The following PDZRN4 variants were observed in gnomAD, a reference collection of about 807,000 sequenced individuals.
The protein encoded by PDZRN4 is PDZ domain-containing RING finger protein 4.
PDZRN4 carries 70 observed loss-of-function variants against 99.0 expected under a neutral mutation model. The ratio of observed to expected loss-of-function variants is 0.71; its 90% CI spans 0.58 to 0.86. The LOEUF (loss-of-function observed/expected upper bound fraction) is 0.86. Among genes scored for constraint, PDZRN4 ranks in the 40% least tolerant of loss-of-function variants. The pLI is 0.00. For missense variants in PDZRN4, 1,474 were observed against 1,331.2 expected, an observed-to-expected ratio of 1.11 and a Z score of -1.67; for synonymous variants, 551 against 501.6, an observed-to-expected ratio of 1.10 and a Z score of -1.32.
chr12:41,261,633 G>C (rs1951240703), intron 3 of PDZRN4, among the ~76,000 whole-genome samples: 1 of 152,110 alleles, frequency 6.6e-6, no homozygotes, highest in Admixed American at 6.6e-5. Flanking sequence ...GGGACTACAG[G>C]CGTGCACCAC....
chr12:41,279,927 T>C (rs1344302640), intron 3 of PDZRN4, among the ~76,000 whole-genome samples: 1 of 152,154 alleles, frequency 6.6e-6, no homozygotes, highest in Non-Finnish European at 1.5e-5. Context: ...CTGGGCAAGA[T>C]GGCCGAATAG....
intron 3 of PDZRN4, among the ~76,000 whole-genome samples, chr12:41,385,629 T>C (rs977289517): frequency 4.6e-5 from 7 of 152,092 alleles, no homozygotes; most frequent in Non-Finnish European, 8.8e-5. Context: ...AGGAAGAAAC[T>C]GAATCGCTGA....
rs1345513239 is a variant in PDZRN4 at position 41,572,355 on chromosome 12, T to C, written c.1585-9T>C. On this transcript the variant is annotated splice_polypyrimidine_tract_variant and intron_variant, in intron 9 of 9. Transcript: ENST00000402685. ...AATTTTCTTTGTTCTTTCAACATCA[T>C]TTTCTTAGCCAAAAAAGCAAGAAGA... 1 of 1,586,928 alleles carries C rather than the reference T, an allele frequency of 6.3e-7. No homozygotes were observed. Among genetic ancestry groups the C allele is most frequent in the South Asian group, 1.1e-5 (1 of 87,806 alleles).
intron 3 of PDZRN4, 25 bp from the exon 4 acceptor site, chr12:41,506,431 G>C: frequency 6.3e-7 from 1 of 1,576,676 alleles, no homozygotes; most frequent in Non-Finnish European, 8.6e-7. Context: ...CCTCTGAGAT[G>C]AACAATGTCC....
intron 3 of PDZRN4, among the ~76,000 whole-genome samples, chr12:41,505,778 C>G (rs1046155049): frequency 6.6e-6 from 1 of 150,742 alleles, no homozygotes; most frequent in African/African-American, 2.4e-5. Context: ...TATACCCATT[C>G]AGAGGAATTT....
At chr12:41,198,216 T>C (rs1299079604) in intron 3 of PDZRN4, among the ~76,000 whole-genome samples, 3 of 151,990 alleles carry the variant, frequency 2.0e-5, no homozygotes, top group African/African-American at 7.3e-5. Flanking sequence ...TAGTGCCCAG[T>C]CTCCTCTCTT....
At chr12:41,343,063 T>C (rs1398855878) in intron 3 of PDZRN4, among the ~76,000 whole-genome samples, 6 of 151,876 alleles carry the variant, frequency 4.0e-5, no homozygotes, top group South Asian at 2.1e-4. Context: ...TAAAATACTA[T>C]CATTTGTGAC....
At chr12:41,407,420 T>C (rs941798433) in intron 3 of PDZRN4, among the ~76,000 whole-genome samples, 2 of 152,216 alleles carry the variant, frequency 1.3e-5, no homozygotes, top group Admixed American at 6.5e-5. Context: ...CAACCCTGGC[T>C]GGATAACCCA....
At chr12:41,435,651 G>T (rs1398700228) in intron 3 of PDZRN4, among the ~76,000 whole-genome samples, 1 of 152,114 alleles carries the variant, frequency 6.6e-6, no homozygotes, top group African/African-American at 2.4e-5. Context: ...AGCCAGGCAT[G>T]GTGGCACACA....
chr12:41,547,291 C>T (rs571462234), intron 5 of PDZRN4, among the ~76,000 whole-genome samples: 58 of 152,276 alleles, frequency 3.8e-4, no homozygotes, highest in African/African-American at 1.4e-3. Context: ...ATGCAGTCTG[C>T]CTGGTTCCCT....
At chr12:41,209,504 A>T (rs1173862205) in intron 3 of PDZRN4, among the ~76,000 whole-genome samples, 3 of 23,278 alleles carry the variant, frequency 1.3e-4, no homozygotes, top group African/African-American at 3.1e-4. Context: ...GCCTCCCCCC[A>T]CCCCACAACA....
chr12:41,550,572 A>C (rs1484520630), intron 5 of PDZRN4, among the ~76,000 whole-genome samples: 2 of 152,118 alleles, frequency 1.3e-5, no homozygotes, highest in Non-Finnish European at 2.9e-5. Flanking sequence ...ACTGTTTCCT[A>C]GTCTACGTCT....
intron 3 of PDZRN4, among the ~76,000 whole-genome samples, chr12:41,442,668 C>A (rs1952689143): frequency 6.6e-6 from 1 of 152,134 alleles, no homozygotes; most frequent in African/African-American, 2.4e-5. Context: ...GCACCTTGTG[C>A]ATAAAGTTGA....
chr12:41,475,251 G>A (rs1953029835), intron 3 of PDZRN4, among the ~76,000 whole-genome samples: 1 of 152,122 alleles, frequency 6.6e-6, no homozygotes, highest in South Asian at 2.1e-4. Context: ...GAGTCTATAA[G>A]GAAAATTGTA....
rs766776015 is a variant in PDZRN4, at chr12:41,188,768, G to A, written c.313G>A (p.Asp105Asn). The A allele has an allele frequency of 1.4e-6, 2 of 1,434,418 alleles. No homozygotes were observed. The highest frequency in any genetic ancestry group is 1.5e-5 in the South Asian group (1 of 67,612). The allele number at this position is 1,434,418 out of a possible 1,614,324, so 88.9% of individuals were successfully genotyped here. A position where few individuals can be genotyped will look rare whatever the true frequency, so the allele number is the denominator to read the frequency against. ...GCTGGAGGCGCACGTCGAGCACTGCGACTTCGGCCCTGCCCGCCGGCTCCG... is the reference window on the plus strand; with the variant it reads ...GCTGGAGGCGCACGTCGAGCACTGCAACTTCGGCCCTGCCCGCCGGCTCCG... ...HELEAHVEHC[D>N]FGPARRLRSR... The change falls in exon 1 of 10, where the codon GAC becomes AAC. Residue 105 changes from aspartate to asparagine, a missense_variant. Physicochemically the swap from Asp to Asn is conservative, Grantham distance 23 (BLOSUM62 1). Transcript: ENST00000402685.
At chr12:41,563,729 TATTC>T in intron 8 of PDZRN4, 80 bp downstream of exon 8, 1 of 909,274 alleles carries the variant, frequency 1.1e-6, no homozygotes, top group Non-Finnish European at 1.8e-6. Context: ...GAATGAATTA[TATTC>T]ATTATCTGCT....
chr12:41,490,577 A>G (rs984849056), intron 3 of PDZRN4, among the ~76,000 whole-genome samples: 4 of 151,944 alleles, frequency 2.6e-5, no homozygotes, highest in South Asian at 2.1e-4. Context: ...CATATATTAT[A>G]TATTATAGTA....
intron 7 of PDZRN4, among the ~76,000 whole-genome samples, chr12:41,560,281 G>GA (rs1446665671): frequency 2.0e-5 from 3 of 152,002 alleles, no homozygotes; most frequent in African/African-American, 4.8e-5. Context: ...TACAATAATA[G>GA]AAAAAACCTA....
chr12:41,567,700 C>T lies in PDZRN4; in HGVS notation c.1468-83C>T, dbSNP rs868772259. The T allele has an allele frequency of 4.7e-5, 32 of 679,064 alleles. No homozygotes were observed. The Admixed American group carries it at 8.4e-4, about 18-fold the overall frequency. 42.1% of individuals were successfully genotyped at this position (679,064 alleles called of 1,614,324 possible). A position where few individuals can be genotyped will look rare whatever the true frequency, so the allele number is the denominator to read the frequency against. ...AATCATTATGATAAAAGGAACTCGT[C>T]GGGCACCGGCCATTTAAGTTTACTC... On this transcript the variant is annotated intron_variant, in intron 8 of 9. Coordinates refer to ENST00000402685, the MANE Select transcript of PDZRN4 (RefSeq NM_001164595.2).
Sources: gnomAD v4.1 joint callset for allele counts (sites outside exome capture counted in the v4.1 genomes callset) on GRCh38, gnomAD v4.1.1 for gene constraint, MANE v1.5 for transcripts, NCBI Gene and HGNC (gene_info 2026-07-23, HGNC 2026-07-21) for gene names.